Variants in ZEB1 observed in about 807,000 individuals in gnomAD.
The protein encoded by ZEB1 is zinc finger E-box-binding homeobox 1.
In ZEB1, 21 loss-of-function variants were observed where a neutral mutation model predicts 84.9. The observed-to-expected ratio is 0.25, with a 90% CI of 0.18 to 0.36. The LOEUF (loss-of-function observed/expected upper bound fraction) is 0.36. Among genes scored for constraint, ZEB1 ranks in the 10% least tolerant of loss-of-function variants. ZEB1 has a pLI of 1.00. For missense variants in ZEB1, 1,104 were observed against 1,330.2 expected, an observed-to-expected ratio of 0.83 and a Z score of 2.65; for synonymous variants, 420 against 471.1, an observed-to-expected ratio of 0.89 and a Z score of 1.41.
At chr10:31,445,710 G>T (rs1446225264) in intron 1 of ZEB1, among the ~76,000 whole-genome samples, 10 of 132,858 alleles carry the variant, frequency 7.5e-5, no homozygotes, top group African/African-American at 2.6e-4. Context: ...TTATATGCTG[G>T]ATTACATTTA....
At chr10:31,402,098 T>C (rs566077034) in intron 1 of ZEB1, among the ~76,000 whole-genome samples, 6 of 151,170 alleles carry the variant, frequency 4.0e-5, no homozygotes, top group African/African-American at 1.5e-4. Flanking sequence ...TATTTTGTTG[T>C]TGTTGTTGTT....
intron 1 of ZEB1, among the ~76,000 whole-genome samples, chr10:31,445,677 G>C (rs1483255165): frequency 6.8e-6 from 1 of 146,796 alleles, no homozygotes; most frequent in African/African-American, 2.5e-5. Context: ...AGATAATCAT[G>C]TGGTTTTTGT....
At chr10:31,353,715 A>C (rs1023917358) in intron 1 of ZEB1, among the ~76,000 whole-genome samples, 1 of 152,232 alleles carries the variant, frequency 6.6e-6, no homozygotes, top group South Asian at 2.1e-4. Flanking sequence ...GAATAGTCAC[A>C]GTCAAAGGTT....
chr10:31,508,044 C>T (rs959463984), intron 4 of ZEB1, among the ~76,000 whole-genome samples: 1 of 152,050 alleles, frequency 6.6e-6, no homozygotes, highest in Non-Finnish European at 1.5e-5. Context: ...TGTATGATAT[C>T]TTTCGTTATA....
At chr10:31,403,283 T>C (rs1399170621) in intron 1 of ZEB1, among the ~76,000 whole-genome samples, 1 of 152,108 alleles carries the variant, frequency 6.6e-6, no homozygotes, top group Non-Finnish European at 1.5e-5. Context: ...TACAACCTGA[T>C]ACTTAATAAA....
chr10:31,321,479 G>C (rs2034029789), intron 1 of ZEB1: 3 of 1,613,982 alleles, frequency 1.9e-6, no homozygotes, highest in Non-Finnish European at 2.5e-6. Context: ...GCGTCAAATA[G>C]TGTGTGTTCC....
chr10:31,484,629 T>A (rs2065485362), intron 2 of ZEB1, among the ~76,000 whole-genome samples: 1 of 152,024 alleles, frequency 6.6e-6, no homozygotes, highest in African/African-American at 2.4e-5. Flanking sequence ...TCGGATATTT[T>A]ACTTAACTGA....
chr10:31,359,521 G>C (rs2042646014), intron 1 of ZEB1, among the ~76,000 whole-genome samples: 1 of 152,044 alleles, frequency 6.6e-6, no homozygotes, highest in Non-Finnish European at 1.5e-5. Context: ...GTTAACACAG[G>C]AACCATGGTT....
At chr10:31,441,628 G>A (rs1018104795) in intron 1 of ZEB1, among the ~76,000 whole-genome samples, 5 of 151,550 alleles carry the variant, frequency 3.3e-5, no homozygotes, top group Admixed American at 6.6e-5. Flanking sequence ...GCAACCTACA[G>A]AATGGGAAAA....
intron 2 of ZEB1, among the ~76,000 whole-genome samples, chr10:31,484,459 C>G (rs1353786564): frequency 6.6e-6 from 1 of 151,854 alleles, no homozygotes; most frequent in Non-Finnish European, 1.5e-5. Flanking sequence ...TTACTTAGCC[C>G]TATTTTATGG....
At chr10:31,457,972 A>T (rs1160028170) in intron 1 of ZEB1, among the ~76,000 whole-genome samples, 1 of 152,136 alleles carries the variant, frequency 6.6e-6, no homozygotes, top group Admixed American at 6.6e-5. Context: ...AAAAGGTAAG[A>T]ATGGCATCAG....
At chr10:31,506,840 C>G (rs1172461202) in intron 4 of ZEB1, among the ~76,000 whole-genome samples, 1 of 152,010 alleles carries the variant, frequency 6.6e-6, no homozygotes, top group Non-Finnish European at 1.5e-5. Flanking sequence ...TTCTTTCTTA[C>G]TGATTATTAT....
At chr10:31,481,396 T>TA (rs1345000831) in intron 2 of ZEB1, among the ~76,000 whole-genome samples, 1 of 152,042 alleles carries the variant, frequency 6.6e-6, no homozygotes, top group Non-Finnish European at 1.5e-5. Context: ...AGGATTTAAA[T>TA]ACCATTCTCC....
chr10:31,396,900 G>A (rs2050829066), intron 1 of ZEB1, among the ~76,000 whole-genome samples: 1 of 152,016 alleles, frequency 6.6e-6, no homozygotes, highest in African/African-American at 2.4e-5. Flanking sequence ...AAGTTTGGAT[G>A]TATTTCTTTT....
chr10:31,520,089 A>T lies in ZEB1; in HGVS notation c.794-37A>T. On this transcript the variant is annotated intron_variant, in intron 6 of 8. Transcript: ENST00000424869. The surrounding 1 kb of genome is among the most constrained non-coding windows in gnomAD (Gnocchi z 5.1). ...GGATACATAAAAATTTATATGTAAT[A>T]ATTCAGTGAATATAATTTGTTTGTT... 6.2e-7 allele frequency: 1 copy of T among 1,607,572 alleles called. No individual in the cohort carries two copies. Among genetic ancestry groups the T allele is most frequent in the Non-Finnish European group, 8.5e-7 (1 of 1,177,842 alleles).
chr10:31,378,244 G>A (rs1439357692), intron 1 of ZEB1, among the ~76,000 whole-genome samples: 2 of 151,426 alleles, frequency 1.3e-5, no homozygotes, highest in Non-Finnish European at 3.0e-5. Context: ...TATTAGTGTC[G>A]TGGAGGTCTA....
At chr10:31,401,312 A>G (rs780701190) in intron 1 of ZEB1, among the ~76,000 whole-genome samples, 28 of 152,214 alleles carry the variant, frequency 1.8e-4, no homozygotes, top group Non-Finnish European at 4.0e-4. Context: ...TATACAAGTG[A>G]CACTTTTTAC....
At chr10:31,420,636 G>A (rs566736725) in intron 1 of ZEB1, among the ~76,000 whole-genome samples, 1 of 152,184 alleles carries the variant, frequency 6.6e-6, no homozygotes, top group Admixed American at 6.5e-5. Flanking sequence ...TACATATGCA[G>A]AATCACTTCA....
chr10:31,402,371 G>T (rs1343703080), intron 1 of ZEB1, among the ~76,000 whole-genome samples: 1 of 151,848 alleles, frequency 6.6e-6, no homozygotes, highest in Non-Finnish European at 1.5e-5. Context: ...AAAGAATAGC[G>T]ATCCTAGAAA....
Sources: gnomAD v4.1 joint callset for allele counts (sites outside exome capture counted in the v4.1 genomes callset) on GRCh38, gnomAD v4.1.1 for gene constraint, Gnocchi (gnomAD v3.1) non-coding constraint, MANE v1.5 for transcripts, NCBI Gene and HGNC (gene_info 2026-07-23, HGNC 2026-07-21) for gene names.